TTC6: variants seen among roughly 807,000 people sequenced by gnomAD.
TTC6 encodes tetratricopeptide repeat protein 6.
A neutral mutation model predicts 210.4 loss-of-function variants in TTC6; 172 were observed. That is an observed-to-expected ratio of 0.82 (90% CI 0.72 to 0.93). The LOEUF is 0.93. Among genes scored for constraint, TTC6 ranks in the 40% least tolerant of loss-of-function variants. The probability of loss-of-function intolerance (pLI) is 0.00; values close to 1 mark genes in which losing one functional copy is unlikely to be tolerated. For missense variants in TTC6, 2,414 were observed against 2,318.1 expected (o/e 1.04, Z -0.85); for synonymous variants, 804 against 819.6 (o/e 0.98, Z 0.32).
At chr14:37,749,583 G>T in intron 11 of TTC6, 131 bp from the exon 14 acceptor site, 1 of 1,031,934 alleles carries the variant, frequency 9.7e-7, no homozygotes, top group Non-Finnish European at 1.3e-6. Flanking sequence ...TTGTTTGTCA[G>T]ATTGGGAGGT....
chr14:37,619,178 T>A (rs113987522), upstream of TTC6, among the ~76,000 whole-genome samples: 1 of 152,196 alleles, frequency 6.6e-6, no homozygotes, highest in Non-Finnish European at 1.5e-5. Context: ...CAGATTATTT[T>A]CACTTTTTAA....
chr14:37,712,806 G>A (rs2095846679), intron 5 of TTC6, among the ~76,000 whole-genome samples: 1 of 152,122 alleles, frequency 6.6e-6, no homozygotes. Flanking sequence ...GGCATTATGG[G>A]AACTACAATT....
intron 2 of TTC6, among the ~76,000 whole-genome samples, chr14:37,612,151 T>C (rs2095635827): frequency 6.6e-6 from 1 of 152,236 alleles, no homozygotes; most frequent in South Asian, 2.1e-4. Flanking sequence ...GACAGATTCA[T>C]ACACCTTTGA....
chr14:37,815,956 C>G (rs1221341967), intron 25 of TTC6, among the ~76,000 whole-genome samples: 2 of 151,618 alleles, frequency 1.3e-5, no homozygotes, highest in African/African-American at 4.8e-5. Context: ...TTTATTTTAG[C>G]CTTTTAAGTT....
chr14:37,797,912 AC>A (rs2096096435), intron 20 of TTC6, among the ~76,000 whole-genome samples: 1 of 151,898 alleles, frequency 6.6e-6, no homozygotes, highest in South Asian at 2.1e-4. Context: ...GTTCTTCTTA[AC>A]CCAAAAATCT....
chr14:37,781,849 A>T (rs896364776), intron 14 of TTC6, among the ~76,000 whole-genome samples: 33 of 152,328 alleles, frequency 2.2e-4, no homozygotes, highest in South Asian at 1.2e-3. Context: ...ACATATGGCT[A>T]GCCAGTTTTC....
chr14:37,658,135 A>C (rs1436857822), intron 1 of TTC6, among the ~76,000 whole-genome samples: 1 of 152,244 alleles, frequency 6.6e-6, no homozygotes, highest in Non-Finnish European at 1.5e-5. Flanking sequence ...GATGAAATTC[A>C]AAACATTATT....
At chr14:37,804,893 C>T in intron 21 of TTC6, 79 bp downstream of exon 23, 1 of 1,539,394 alleles carries the variant, frequency 6.5e-7, no homozygotes, top group Non-Finnish European at 8.9e-7. Flanking sequence ...TTTCTGAAGG[C>T]CACCTATACA....
chr14:37,727,038 A>G (rs967947885), intron 7 of TTC6, among the ~76,000 whole-genome samples: 5 of 151,810 alleles, frequency 3.3e-5, no homozygotes, highest in Admixed American at 6.6e-5. Context: ...TCAGACTAGT[A>G]TACTCATACC....
intron 23 of TTC6, 30 bp from the exon 26 acceptor site, chr14:37,808,703 T>C: frequency 8.8e-7 from 1 of 1,136,062 alleles, no homozygotes; most frequent in South Asian, 1.5e-5. Flanking sequence ...ATGATTTTCC[T>C]TTCTCACATA....
intron 1 of TTC6, among the ~76,000 whole-genome samples, chr14:37,643,715 G>A (rs972547894): frequency 1.3e-5 from 2 of 152,038 alleles, no homozygotes; most frequent in South Asian, 4.1e-4. Flanking sequence ...AGGCATACAG[G>A]AGCAGATTAT....
At chr14:37,724,466 A>T (rs1283695343) in intron 6 of TTC6, among the ~76,000 whole-genome samples, 2 of 152,164 alleles carry the variant, frequency 1.3e-5, no homozygotes, top group Admixed American at 6.5e-5. Flanking sequence ...TATAGTGTTT[A>T]TGAGTATACC....
At chr14:37,824,562 A>C (rs2096165870) in intron 27 of TTC6, among the ~76,000 whole-genome samples, 1 of 152,206 alleles carries the variant, frequency 6.6e-6, no homozygotes, top group African/African-American at 2.4e-5. Flanking sequence ...TATAGCAATG[A>C]ACAAGATTAT....
intron 1 of TTC6, among the ~76,000 whole-genome samples, chr14:37,671,709 G>A (rs2095758521): frequency 6.6e-6 from 1 of 152,098 alleles, no homozygotes; most frequent in African/African-American, 2.4e-5. Flanking sequence ...ATTTGGCTCT[G>A]TATCTCCACC....
rs985398577 is a variant in TTC6 at position 37,795,819 on chromosome 14, T to C, written c.3791+467T>C. Among the ~76,000 whole-genome samples, 6 of 152,154 alleles carry C rather than the reference T, an allele frequency of 3.9e-5. No individual in the cohort carries two copies. In the South Asian group the frequency reaches 1.2e-3, roughly 31 times the overall value. On this transcript the variant is annotated intron_variant, in intron 18 of 30. Transcript: ENST00000553443. ...TGCAGTATTTCAAATGCAGTAGAAC[T>C]TTCTATAAAGATATCCTTTGCAAGT...
intron 14 of TTC6, among the ~76,000 whole-genome samples, chr14:37,783,634 GTTCTGCTCTGATCTTAGTTATTTCTTGCC>G (rs1351888375): frequency 1.8e-4 from 28 of 152,148 alleles, no homozygotes; most frequent in African/African-American, 6.7e-4. Flanking sequence ...ATCTCCCTGA[GTTCTGCTCTGATCTTAGTTATTTCTTGCC>G]TTCTGCTAGC....
intron 7 of TTC6, among the ~76,000 whole-genome samples, chr14:37,731,550 T>A (rs1486425381): frequency 6.6e-6 from 1 of 152,328 alleles, no homozygotes. Flanking sequence ...TAGATTTGTC[T>A]ATATTTTCCT....
At chr14:37,614,899 A>C (rs1364966143) in intron 2 of TTC6, among the ~76,000 whole-genome samples, 1 of 152,098 alleles carries the variant, frequency 6.6e-6, no homozygotes, top group African/African-American at 2.4e-5. Context: ...GCTGCCCAGC[A>C]CCATGCCCAG....
At chr14:37,653,417 G>A (rs1486052532) in intron 1 of TTC6, among the ~76,000 whole-genome samples, 1 of 152,100 alleles carries the variant, frequency 6.6e-6, no homozygotes, top group Non-Finnish European at 1.5e-5. Flanking sequence ...TTTGGATGTT[G>A]GGGGTCTGGA....
Sources: allele counts gnomAD v4.1 joint callset (sites outside exome capture counted in the v4.1 genomes callset), GRCh38; gene constraint gnomAD v4.1.1; transcripts MANE v1.5; gene names NCBI Gene and HGNC (gene_info 2026-07-23, HGNC 2026-07-21).